ESRRB: variants seen among roughly 807,000 people sequenced by gnomAD.
ESRRB encodes the protein estrogen related receptor beta, also known as steroid hormone receptor ERR2.
In ESRRB, 16 loss-of-function variants were observed where a neutral mutation model predicts 46.0. That is an observed-to-expected ratio of 0.35 (90% CI 0.24 to 0.53). The LOEUF (loss-of-function observed/expected upper bound fraction) is 0.53. Among genes scored for constraint, ESRRB ranks in the 20% least tolerant of loss-of-function variants. The pLI is 0.93. For missense variants in ESRRB, 488 were observed against 607.4 expected, an observed-to-expected ratio of 0.80 and a Z score of 2.07; for synonymous variants, 246 against 259.6, an observed-to-expected ratio of 0.95 and a Z score of 0.50.
Position 76,347,685 on chromosome 14 carries a change from A to G in ESRRB, c.2+36769A>G, listed in dbSNP as rs1483843619. 2.0e-5 allele frequency among the ~76,000 whole-genome samples: 2 copies of G among 99,894 alleles called. 1 individual carries two copies. Among genetic ancestry groups the G allele is most frequent in the African/African-American group, 7.2e-5 (2 of 27,964 alleles). 65.5% of individuals were successfully genotyped at this position (99,894 alleles called of 152,430 possible). A position where few individuals can be genotyped will look rare whatever the true frequency, so the allele number is the denominator to read the frequency against. On this transcript the variant is annotated intron_variant, in intron 1 of 6. Transcript: ENST00000512784. ...ATTTGTCCAAAGTTGTACAGCTAGTAAGTGATGGAGCCTGGACTCCAATCC... is the reference window on the plus strand; with the variant it reads ...ATTTGTCCAAAGTTGTACAGCTAGTGAGTGATGGAGCCTGGACTCCAATCC...
chr14:76,489,363 C>A lies in ESRRB; in HGVS notation c.851-2084C>A, dbSNP rs567185686. Among the ~76,000 whole-genome samples the A allele has an allele frequency of 4.6e-5, 7 of 151,580 alleles. No homozygotes were observed. In the South Asian group the frequency reaches 8.4e-4, roughly 18 times the overall value. ...GATAAGGGAAATTGGATGTCCATTT[C>A]TATCTATCTTTTATTACCTCCCAGC... On this transcript the variant is annotated intron_variant, in intron 5 of 6. Transcript: ENST00000644823.
chr14:76,410,611 C>A (rs1486549327), intron 1 of ESRRB, among the ~76,000 whole-genome samples: 2 of 152,030 alleles, frequency 1.3e-5, no homozygotes, highest in African/African-American at 4.8e-5. Context: ...TGGTGAAGGG[C>A]CAGGATCCAA....
intron 1 of ESRRB, among the ~76,000 whole-genome samples, chr14:76,363,652 G>T (rs899837976): frequency 6.6e-6 from 1 of 152,178 alleles, no homozygotes. Flanking sequence ...TGAGGAGAGG[G>T]CTGGCCCACA....
chr14:76,392,624 C>G (rs1275132725), intron 1 of ESRRB, among the ~76,000 whole-genome samples: 1 of 152,150 alleles, frequency 6.6e-6, no homozygotes, highest in East Asian at 1.9e-4. Context: ...ATGTTTTCCC[C>G]AACACATTAA....
chr14:76,407,152 G>A (rs75881681), intron 1 of ESRRB, among the ~76,000 whole-genome samples: 1,980 of 152,316 alleles, frequency 0.013, 46 homozygotes, highest in African/African-American at 0.046. Flanking sequence ...CTCTTTCTAG[G>A]AGTCCTTAAA....
intron 1 of ESRRB, among the ~76,000 whole-genome samples, chr14:76,435,737 A>G (rs1390287881): frequency 1.3e-5 from 2 of 152,248 alleles, no homozygotes; most frequent in African/African-American, 4.8e-5. Flanking sequence ...AGGTTGAGGC[A>G]GGAGAATCAC....
chr14:76,498,634 G>C lies in ESRRB; in HGVS notation c.*176G>C. ...TGCAGACTCCCGGGTGCAGTGGGGT[G>C]GGGGACGGGGATGGGGGGGCAGGGG... On this transcript the variant is annotated 3_prime_UTR_variant, in exon 7 of 7. Transcript: ENST00000644823. The C allele has an allele frequency of 1.5e-6, 2 of 1,336,468 alleles. No individual in the cohort carries two copies. The highest frequency in any genetic ancestry group is 2.0e-6 in the Non-Finnish European group (2 of 991,878). The allele number at this position is 1,336,468 out of a possible 1,614,324, so 82.8% of individuals were successfully genotyped here.
At position 76,498,722 on chromosome 14, in the gene ESRRB, G is replaced by A. The variant is rs377476680; in HGVS notation, c.*264G>A. The stretch of plus-strand genomic sequence containing the variant: ...GTCTTTCCTTCTCCATGGACGGTGC[G>A]GAGGCCTGGGCCAGGGCTGACTCCC... On this transcript the variant is annotated 3_prime_UTR_variant, in exon 7 of 7. Coordinates refer to ENST00000644823, the MANE Select transcript of ESRRB (RefSeq NM_001379180.1). 1.1e-4 allele frequency: 128 copies of A among 1,189,422 alleles called. No homozygotes were observed. The highest frequency in any genetic ancestry group is 1.4e-4 in the Non-Finnish European group (116 of 825,150). 73.7% of individuals were successfully genotyped at this position (1,189,422 alleles called of 1,614,324 possible).
intron 1 of ESRRB, among the ~76,000 whole-genome samples, chr14:76,319,440 G>A (rs1341151753): frequency 6.6e-6 from 1 of 152,166 alleles, no homozygotes; most frequent in East Asian, 1.9e-4. Context: ...GGGTGTTTGT[G>A]CACACGTGTG....
chr14:76,451,612 T>G (rs1260297851), intron 2 of ESRRB, among the ~76,000 whole-genome samples: 1 of 151,836 alleles, frequency 6.6e-6, no homozygotes, highest in Non-Finnish European at 1.5e-5. Context: ...AGGAAGCAAT[T>G]TTATTTTATT....
intron 1 of ESRRB, among the ~76,000 whole-genome samples, chr14:76,432,649 T>C (rs1239949922): frequency 1.4e-5 from 2 of 144,736 alleles, no homozygotes; most frequent in East Asian, 4.2e-4. Context: ...TCACTCTTAC[T>C]GAATAAGCTA....
At chr14:76,417,944 C>A (rs1886774787) in intron 1 of ESRRB, among the ~76,000 whole-genome samples, 1 of 91,366 alleles carries the variant, frequency 1.1e-5, no homozygotes, top group African/African-American at 4.6e-5. Context: ...CTTTTACATA[C>A]TTTTTTTTTT....
intron 3 of ESRRB, among the ~76,000 whole-genome samples, chr14:76,466,231 G>T (rs1595146647): frequency 6.6e-6 from 1 of 152,246 alleles, no homozygotes; most frequent in East Asian, 1.9e-4. Context: ...AGAGATGTGG[G>T]TGCCTCCGCC....
chr14:76,451,977 C>T (rs1318397362), intron 2 of ESRRB, among the ~76,000 whole-genome samples: 1 of 151,116 alleles, frequency 6.6e-6, no homozygotes, highest in East Asian at 2.0e-4. Context: ...TGGAGTCTCA[C>T]TCTGTCACCC....
chr14:76,476,694 C>T (rs1262762113), intron 3 of ESRRB, among the ~76,000 whole-genome samples: 1 of 151,204 alleles, frequency 6.6e-6, no homozygotes, highest in Non-Finnish European at 1.5e-5. Context: ...CCTGGAGATG[C>T]GCAGCTGCTG....
chr14:76,419,231 T>G (rs1339924515), intron 1 of ESRRB, among the ~76,000 whole-genome samples: 1 of 152,118 alleles, frequency 6.6e-6, no homozygotes, highest in East Asian at 1.9e-4. Flanking sequence ...GCCAGGCTGA[T>G]CTCGAACTCC....
In ESRRB at chr14:76,482,706, A is replaced by T; in HGVS notation, c.797A>T (p.Asp266Val). The change falls in exon 5 of 7, where the codon GAC (aspartate) becomes GTC (valine). Residue 266 changes from aspartate (D) to valine (V), a missense_variant. Coordinates refer to ENST00000644823, the MANE Select transcript of ESRRB (RefSeq NM_001379180.1). The surrounding 1 kb of genome is among the most constrained non-coding windows in gnomAD (Gnocchi z 4.3). ...GDIKALTTLC[D>V]LADRELVVII... ...ATCAAGGCCCTGACCACTCTCTGTG[A>T]CCTGGCAGACCGAGAGCTTGTGGTC... The T allele has an allele frequency of 6.2e-7, 1 of 1,614,180 alleles. No individual in the cohort carries two copies. The highest frequency in any genetic ancestry group is 8.5e-7 in the Non-Finnish European group (1 of 1,180,038).
Position 76,498,573 on chromosome 14 carries a change from GTCCCAGAGGCGGGGGTTTCTCACC to G in ESRRB, c.*119_*142del, listed in dbSNP as rs1890527478. ...AACCCCTGTATCATGGCTCTGAGCT[GTCCCAGAGGCGGGGGTTTCTCACC>G]TCCTGGCTGTGTGCAGACTCCCGGG... On this transcript the variant is annotated 3_prime_UTR_variant, in exon 7 of 7. Coordinates refer to ENST00000644823, the MANE Select transcript of ESRRB (RefSeq NM_001379180.1). 19 of 1,498,518 alleles carry G rather than the reference GTCCCAGAGGCGGGGGTTTCTCACC, an allele frequency of 1.3e-5. No homozygotes were observed. The highest frequency in any genetic ancestry group is 1.7e-5 in the Non-Finnish European group (19 of 1,112,316). The allele number at this position is 1,498,518 out of a possible 1,614,324, so 92.8% of individuals were successfully genotyped here.
In ESRRB at chr14:76,429,080, C is replaced by T. The variant is rs142561391; in HGVS notation, c.51-10261C>T. Among the ~76,000 whole-genome samples, 7 of 152,078 alleles carry T rather than the reference C, an allele frequency of 4.6e-5. No homozygotes were observed. The East Asian group carries it at 1.4e-3, about 30-fold the overall frequency. The stretch of plus-strand genomic sequence containing the variant: ...CCCAAGGAGGCCAAATAAAATGGCA[C>T]CACCACAGAGACGGGGCTGTGTTAG... On this transcript the variant is annotated intron_variant, in intron 1 of 6. Coordinates refer to ENST00000644823, the MANE Select transcript of ESRRB (RefSeq NM_001379180.1).
Sources: allele counts gnomAD v4.1 joint callset (sites outside exome capture counted in the v4.1 genomes callset), GRCh38; gene constraint gnomAD v4.1.1; non-coding constraint Gnocchi (gnomAD v3.1); transcripts MANE v1.5; gene names NCBI Gene and HGNC (gene_info 2026-07-23, HGNC 2026-07-21).